Variants in ST3GAL5 observed in about 807,000 individuals in gnomAD.
ST3GAL5 encodes the protein lactosylceramide alpha-2,3-sialyltransferase.
ST3GAL5 carries 25 observed loss-of-function variants against 46.1 expected under a neutral mutation model. The ratio of observed to expected loss-of-function variants is 0.54; its 90% CI spans 0.40 to 0.76. The LOEUF (loss-of-function observed/expected upper bound fraction) is 0.76. Ranked by LOEUF, ST3GAL5 falls within the 30% of genes least tolerant of loss-of-function variation. The pLI, the probability that ST3GAL5 is intolerant of heterozygous loss-of-function variation, is 0.00. For missense variants in ST3GAL5, 431 were observed against 521.2 expected (o/e 0.83, Z 1.69); for synonymous variants, 182 against 192.7 (o/e 0.94, Z 0.46).
intron 3 of ST3GAL5, chr2:85,849,218 A>C (rs1174066071): frequency 6.6e-6 from 1 of 151,764 alleles, no homozygotes; most frequent in Non-Finnish European, 1.5e-5. Context: ...CCTATACAAA[A>C]AATTTTTTAA....
chr2:85,882,599 G>A (rs1259924684), intron 1 of ST3GAL5, among the ~76,000 whole-genome samples: 5 of 152,120 alleles, frequency 3.3e-5, no homozygotes, highest in East Asian at 1.9e-4. Context: ...TTGGGAGGCC[G>A]AGGTGGATCA....
chr2:85,863,457 T>C lies in ST3GAL5; in HGVS notation c.111A>G (p.Lys37=). 1 of 1,614,154 alleles carries C rather than the reference T, an allele frequency of 6.2e-7. No homozygotes were observed. Among genetic ancestry groups the C allele is most frequent in the Non-Finnish European group, 8.5e-7 (1 of 1,180,034 alleles). ...RAMPSEYTYV[K]LRSDCSRPSL... ...AAGGCCTCGAGCAATCACTTCTCAG[T>C]TTCACATAGGTGTACTCACTTGGCA... Residue 37 remains lysine (K), a synonymous_variant, in exon 2 of 7, where the codon AAA becomes AAG. Coordinates refer to ENST00000638572, the MANE Select transcript of ST3GAL5 (RefSeq NM_003896.4).
intron 3 of ST3GAL5, among the ~76,000 whole-genome samples, chr2:85,860,098 C>T (rs1214577989): frequency 6.6e-6 from 1 of 152,160 alleles, no homozygotes; most frequent in South Asian, 2.1e-4. Context: ...AGTTTCCCTG[C>T]CTGTGAGATG....
At chr2:85,884,908 T>A (rs1174896273) in intron 1 of ST3GAL5, among the ~76,000 whole-genome samples, 1 of 152,208 alleles carries the variant, frequency 6.6e-6, no homozygotes, top group East Asian at 1.9e-4. Flanking sequence ...AAAGCAGACC[T>A]TTCTAATCTG....
chr2:85,858,614 CCT>C (rs1332008092), intron 3 of ST3GAL5, among the ~76,000 whole-genome samples: 1 of 152,130 alleles, frequency 6.6e-6, no homozygotes, highest in African/African-American at 2.4e-5. Context: ...CGGTCAGACC[CCT>C]GACTTTCTTA....
At chr2:85,857,796 G>T (rs1393309497) in intron 3 of ST3GAL5, among the ~76,000 whole-genome samples, 1 of 152,110 alleles carries the variant, frequency 6.6e-6, no homozygotes, top group Non-Finnish European at 1.5e-5. Context: ...TGTAGAACAC[G>T]ACTACTCCGG....
chr2:85,863,205 T>C (rs1469746828), intron 2 of ST3GAL5, among the ~76,000 whole-genome samples, 157 bp downstream of exon 2: 1 of 152,142 alleles, frequency 6.6e-6, no homozygotes, highest in African/African-American at 2.4e-5. Context: ...GTGCACTCAG[T>C]CTTTACTCAG....
intron 1 of ST3GAL5, among the ~76,000 whole-genome samples, chr2:85,884,069 G>C (rs72932800): frequency 0.02 from 2,996 of 152,256 alleles, 93 homozygotes; most frequent in African/African-American, 0.068. Context: ...CTCTAGGCCA[G>C]ACTGCCTGAG....
At chr2:85,859,079 C>CAG (rs1684455655) in intron 3 of ST3GAL5, among the ~76,000 whole-genome samples, 2 of 152,174 alleles carry the variant, frequency 1.3e-5, no homozygotes, top group Admixed American at 1.3e-4. Flanking sequence ...GACAGGAAAA[C>CAG]TACTAAGTTG....
At chr2:85,846,327 A>T in intron 5 of ST3GAL5, 50 bp downstream of exon 5, 5 of 1,514,054 alleles carry the variant, frequency 3.3e-6, no homozygotes, top group Non-Finnish European at 4.6e-6. Flanking sequence ...ACTAAGTAAG[A>T]CTCCTTCACT....
intron 3 of ST3GAL5, among the ~76,000 whole-genome samples, chr2:85,857,167 C>G (rs569452017): frequency 1.3e-5 from 2 of 150,754 alleles, no homozygotes; most frequent in South Asian, 2.1e-4. Context: ...ATTGCTTGAG[C>G]CTGGGAAGTT....
chr2:85,866,976 T>C (rs1345115848), intron 1 of ST3GAL5, among the ~76,000 whole-genome samples: 4 of 152,124 alleles, frequency 2.6e-5, no homozygotes, highest in African/African-American at 9.7e-5. Context: ...TTAACAGAAA[T>C]TATAATGGCA....
rs1375615546 is a variant in ST3GAL5, at chr2:85,839,386, C to T, written c.*758G>A. On this transcript the variant is annotated 3_prime_UTR_variant, in exon 7 of 7. Coordinates refer to ENST00000638572, the MANE Select transcript of ST3GAL5 (RefSeq NM_003896.4). The stretch of plus-strand genomic sequence containing the variant: ...AAGTCACCTCAGACAGACACTGGAA[C>T]ACGTTAGATCTAACACTTAAGTGCT... 1 of 152,318 alleles carries T rather than the reference C, an allele frequency of 6.6e-6. No homozygotes were observed. Among genetic ancestry groups the T allele is most frequent in the African/African-American group, 2.4e-5 (1 of 41,426 alleles). 9.4% of individuals were successfully genotyped at this position (152,318 alleles called of 1,614,324 possible).
At chr2:85,856,625 A>G (rs1684141665) in intron 3 of ST3GAL5, among the ~76,000 whole-genome samples, 1 of 151,642 alleles carries the variant, frequency 6.6e-6, no homozygotes. Flanking sequence ...GCTGGAGTGC[A>G]GTGGCATGAT....
chr2:85,858,886 T>A (rs1251552957), intron 3 of ST3GAL5, among the ~76,000 whole-genome samples: 2 of 152,158 alleles, frequency 1.3e-5, no homozygotes, highest in East Asian at 3.9e-4. Flanking sequence ...AGGGAGGTGA[T>A]CTTGAGTTTC....
chr2:85,878,201 G>C (rs1442580909), intron 1 of ST3GAL5, among the ~76,000 whole-genome samples: 1 of 152,176 alleles, frequency 6.6e-6, no homozygotes, highest in African/African-American at 2.4e-5. Flanking sequence ...ACTCTGATTT[G>C]CCTTACCCAA....
chr2:85,867,497 A>G lies in ST3GAL5; in HGVS notation c.83-4012T>C, dbSNP rs1317489859. On this transcript the variant is annotated intron_variant, in intron 1 of 6. Coordinates refer to ENST00000638572, the MANE Select transcript of ST3GAL5 (RefSeq NM_003896.4). ...GTTACCTCCTGGGATATATCTATTA[A>G]AGGTATGTGCTCTGTGGTGGGCAGG... is the stretch of plus-strand genomic sequence containing the variant. 73 of 756,632 alleles carry G rather than the reference A, an allele frequency of 9.6e-5. No individual in the cohort carries two copies. The Admixed American group carries it at 1.0e-3, about 11-fold the overall frequency. The allele number at this position is 756,632 out of a possible 1,614,324, so 46.9% of individuals were successfully genotyped here.
At chr2:85,864,687 C>T (rs1240196455) in intron 1 of ST3GAL5, among the ~76,000 whole-genome samples, 1 of 151,978 alleles carries the variant, frequency 6.6e-6, no homozygotes, top group African/African-American at 2.4e-5. Flanking sequence ...ATTTTATTAG[C>T]AATTTTCAAG....
At chr2:85,880,527 C>G (rs11127007) in intron 1 of ST3GAL5, among the ~76,000 whole-genome samples, 26,867 of 152,090 alleles carry the variant, frequency 0.18, 2,821 homozygotes, top group South Asian at 0.34. Flanking sequence ...GTCCCTCCTT[C>G]AAAAAGCTCT....
Sources: allele counts gnomAD v4.1 joint callset (sites outside exome capture counted in the v4.1 genomes callset), GRCh38; gene constraint gnomAD v4.1.1; transcripts MANE v1.5; gene names NCBI Gene and HGNC (gene_info 2026-07-23, HGNC 2026-07-21).